The following PDE4D variants were observed in gnomAD, a reference collection of about 807,000 sequenced individuals.
The protein encoded by PDE4D is 3',5'-cyclic-AMP phosphodiesterase 4D.
A neutral mutation model predicts 87.4 loss-of-function variants in PDE4D; 24 were observed. The observed-to-expected ratio is 0.27, with a 90% confidence interval of 0.20 to 0.39. The LOEUF (loss-of-function observed/expected upper bound fraction) is 0.39, where lower values mean the gene tolerates loss of function less well. Ranked by LOEUF, PDE4D falls within the 10% of genes least tolerant of loss-of-function variation. PDE4D has a pLI of 1.00. For missense variants in PDE4D, 714 were observed against 1,041.0 expected, an observed-to-expected ratio of 0.69 and a Z score of 4.32; for synonymous variants, 384 against 383.2, an observed-to-expected ratio of 1.00 and a Z score of -0.02.
intron 1 of PDE4D, among the ~76,000 whole-genome samples, chr5:59,383,697 T>C (rs1786372647): frequency 2.0e-5 from 3 of 152,062 alleles, no homozygotes; most frequent in Non-Finnish European, 4.4e-5. Context: ...AAGGACTCAA[T>C]AATACACATA....
intron 1 of PDE4D, among the ~76,000 whole-genome samples, chr5:59,702,814 G>A (rs1361205649): frequency 1.5e-5 from 2 of 134,042 alleles, no homozygotes; most frequent in Non-Finnish European, 3.0e-5. Flanking sequence ...AGGTTGCAGT[G>A]AGCCATGATG....
At chr5:59,108,996 TGTGTGTGG>T (rs961384141) in intron 5 of PDE4D, among the ~76,000 whole-genome samples, 6 of 149,852 alleles carry the variant, frequency 4.0e-5, no homozygotes, top group African/African-American at 1.3e-4. Context: ...TGTGTGTGTG[TGTGTGTGG>T]TGTAGGCCTG....
intron 1 of PDE4D, among the ~76,000 whole-genome samples, chr5:60,337,090 C>T (rs1757818518): frequency 6.7e-6 from 1 of 150,304 alleles, no homozygotes; most frequent in Non-Finnish European, 1.5e-5. Flanking sequence ...GATGCCAAGG[C>T]CGGTGGATCA....
At chr5:60,091,984 G>T (rs1425823334) in intron 2 of PDE4D, among the ~76,000 whole-genome samples, 2 of 147,642 alleles carry the variant, frequency 1.4e-5, no homozygotes, top group Non-Finnish European at 3.0e-5. Flanking sequence ...CCGGGAGGCG[G>T]AGCTTGCAGT....
At chr5:60,333,867 A>G (rs1438244132) in intron 1 of PDE4D, among the ~76,000 whole-genome samples, 2 of 151,642 alleles carry the variant, frequency 1.3e-5, no homozygotes, top group African/African-American at 4.8e-5. Context: ...GAAAGAGTGG[A>G]GGAAAAGGAG....
intron 1 of PDE4D, among the ~76,000 whole-genome samples, chr5:59,825,615 T>C (rs1382333128): frequency 2.0e-5 from 3 of 152,152 alleles, no homozygotes; most frequent in African/African-American, 4.8e-5. Context: ...TTCTGTCTCA[T>C]CTGATGACAT....
At chr5:59,712,640 T>C (rs938096393) in intron 1 of PDE4D, among the ~76,000 whole-genome samples, 2 of 150,126 alleles carry the variant, frequency 1.3e-5, no homozygotes, top group African/African-American at 2.4e-5. Context: ...TTTAAAAATA[T>C]AATAATTATA....
intron 1 of PDE4D, among the ~76,000 whole-genome samples, chr5:59,303,543 A>G (rs1770684020): frequency 6.6e-6 from 1 of 152,186 alleles, no homozygotes; most frequent in Non-Finnish European, 1.5e-5. Context: ...TAAGCCCTTA[A>G]TCCATCTTGA....
intron 1 of PDE4D, among the ~76,000 whole-genome samples, chr5:59,453,060 C>T (rs1418199560): frequency 6.6e-6 from 1 of 151,818 alleles, no homozygotes; most frequent in Non-Finnish European, 1.5e-5. Flanking sequence ...CTCTGTATCA[C>T]ATTTTGATAA....
At chr5:59,471,820 T>C (rs1226705658) in intron 1 of PDE4D, among the ~76,000 whole-genome samples, 1 of 152,218 alleles carries the variant, frequency 6.6e-6, no homozygotes, top group Non-Finnish European at 1.5e-5. Flanking sequence ...AAGGTTGTAG[T>C]ATAATATATT....
At chr5:59,214,840 A>C (rs1011812413) in intron 2 of PDE4D, among the ~76,000 whole-genome samples, 1 of 152,178 alleles carries the variant, frequency 6.6e-6, no homozygotes, top group Non-Finnish European at 1.5e-5. Flanking sequence ...ACCTATTGCA[A>C]TACAACTGAT....
chr5:60,491,115 T>A (rs1749508024), upstream of PDE4D: 1 of 152,190 alleles, frequency 6.6e-6, no homozygotes, highest in Admixed American at 6.5e-5. Flanking sequence ...AGGGAACTGC[T>A]GACAGTTTCA....
chr5:59,856,580 C>A (rs1040156785), intron 1 of PDE4D, among the ~76,000 whole-genome samples: 1 of 152,136 alleles, frequency 6.6e-6, no homozygotes, highest in African/African-American at 2.4e-5. Flanking sequence ...ATTACCGACA[C>A]GGCATCTGCT....
At chr5:60,430,934 G>T (rs1196430497) in intron 1 of PDE4D, 1 of 281,568 alleles carries the variant, frequency 3.6e-6, no homozygotes, top group African/African-American at 2.3e-5. Context: ...AGTCTCCCAT[G>T]TCTACCTCTT....
At chr5:59,678,395 T>C (rs1748465653) in intron 1 of PDE4D, among the ~76,000 whole-genome samples, 1 of 152,208 alleles carries the variant, frequency 6.6e-6, no homozygotes, top group Non-Finnish European at 1.5e-5. Context: ...TGTGTAGTTT[T>C]GTGACAAATT....
intron 1 of PDE4D, among the ~76,000 whole-genome samples, chr5:59,288,726 T>C (rs1451771425): frequency 6.6e-6 from 1 of 151,838 alleles, no homozygotes. Flanking sequence ...AGAAAAAACA[T>C]ACACTGGAGT....
chr5:59,622,872 A>T (rs1830495145), intron 1 of PDE4D, among the ~76,000 whole-genome samples: 1 of 151,906 alleles, frequency 6.6e-6, no homozygotes, highest in South Asian at 2.1e-4. Context: ...TTCTTTTCCA[A>T]CTCAGCTCAT....
upstream of PDE4D, among the ~76,000 whole-genome samples, chr5:59,897,564 T>G (rs1751789743): frequency 6.6e-6 from 1 of 152,150 alleles, no homozygotes; most frequent in African/African-American, 2.4e-5. Context: ...AACTTGTCAT[T>G]TACATTAGGT....
At chr5:59,927,580 A>AT (rs574091627) in intron 3 of PDE4D, among the ~76,000 whole-genome samples, 309 of 152,262 alleles carry the variant, frequency 2.0e-3, no homozygotes, top group Non-Finnish European at 3.2e-3. Context: ...GGAACTTGGT[A>AT]TTTTTTTCCT....
Sources: allele counts gnomAD v4.1 joint callset (sites outside exome capture counted in the v4.1 genomes callset), GRCh38; gene constraint gnomAD v4.1.1; transcripts MANE v1.5; gene names NCBI Gene and HGNC (gene_info 2026-07-23, HGNC 2026-07-21).